PPP1R36: variants seen among roughly 807,000 people sequenced by gnomAD.
PPP1R36 encodes the protein protein phosphatase 1 regulatory subunit 36.
In PPP1R36, 47 loss-of-function variants were observed where a neutral mutation model predicts 53.4. The observed-to-expected ratio is 0.88, with a 90% confidence interval of 0.70 to 1.12. PPP1R36 has a LOEUF of 1.12. Ranked by LOEUF, PPP1R36 falls within the 50% of genes most tolerant of loss-of-function variation. The pLI is 0.00. For missense variants in PPP1R36, 456 were observed against 513.9 expected (o/e 0.89, Z 1.09); for synonymous variants, 153 against 170.5 (o/e 0.90, Z 0.80).
intron 4 of PPP1R36, among the ~76,000 whole-genome samples, 183 bp from the exon 5 acceptor site, chr14:64,565,174 C>G (rs1043900512): frequency 6.6e-6 from 1 of 152,096 alleles, no homozygotes; most frequent in African/African-American, 2.4e-5. Context: ...TCCCTCTTGC[C>G]TTAATATAGT....
chr14:64,565,842 G>A, intron 6 of PPP1R36, 150 bp downstream of exon 6: 1 of 648,970 alleles, frequency 1.5e-6, no homozygotes, highest in South Asian at 1.9e-5. Flanking sequence ...CACAAAGACT[G>A]CGACCAAAGA....
chr14:64,564,383 G>A (rs1171175977), intron 3 of PPP1R36, among the ~76,000 whole-genome samples: 1 of 152,186 alleles, frequency 6.6e-6, no homozygotes, highest in Non-Finnish European at 1.5e-5. Context: ...TTTTGTGTTA[G>A]AGTTTCCATG....
At chr14:64,559,754 CTTTA>C (rs1374976247) in intron 3 of PPP1R36, among the ~76,000 whole-genome samples, 1 of 152,170 alleles carries the variant, frequency 6.6e-6, no homozygotes, top group Non-Finnish European at 1.5e-5. Flanking sequence ...GGAATTGGAA[CTTTA>C]TTTAGATGGC....
intron 2 of PPP1R36, chr14:64,551,593 A>AATTTCCACCAATGTGAC (rs2080094152): frequency 2.2e-6 from 1 of 456,152 alleles, no homozygotes; most frequent in Non-Finnish European, 4.4e-6. Flanking sequence ...CAATTCTTAA[A>AATTTCCACCAATGTGAC]ACAACTGTGG....
rs11844910 is a variant in PPP1R36, at chr14:64,565,529, G to A, written c.367+75G>A. ...TACACATATCCATACATAAACATCCGCCCATCTACATATAACATCCATACA... is the reference window on the plus strand; with the variant it reads ...TACACATATCCATACATAAACATCCACCCATCTACATATAACATCCATACA... On this transcript the variant is annotated intron_variant, in intron 5 of 11. Coordinates refer to ENST00000298705, the MANE Select transcript of PPP1R36 (RefSeq NM_172365.3). 7.4e-4 allele frequency: 1,055 copies of A among 1,419,914 alleles called. 12 individuals carry two copies. The African/African-American group carries it at 0.012, about 16-fold the overall frequency. The allele number at this position is 1,419,914 out of a possible 1,614,324, so 88.0% of individuals were successfully genotyped here. A position where few individuals can be genotyped will look rare whatever the true frequency, so the allele number is the denominator to read the frequency against.
chr14:64,563,521 T>G (rs1380501769), intron 3 of PPP1R36, among the ~76,000 whole-genome samples: 1 of 151,772 alleles, frequency 6.6e-6, no homozygotes, highest in African/African-American at 2.4e-5. Context: ...GAGGTAATAT[T>G]ATGTACATGC....
intron 11 of PPP1R36, chr14:64,588,569 T>C (rs938485187): frequency 8.5e-6 from 3 of 352,918 alleles, no homozygotes; most frequent in African/African-American, 2.1e-5. Flanking sequence ...TTTTTTTTTT[T>C]TTTTTTTTGA....
chr14:64,550,009 G>A lies in PPP1R36; in HGVS notation c.12G>A (p.Val4=). The A allele has an allele frequency of 6.4e-7, 1 of 1,572,670 alleles. No homozygotes were observed. Among genetic ancestry groups the A allele is most frequent in the South Asian group, 1.2e-5 (1 of 85,524 alleles). Residue 4 remains valine, a synonymous_variant, in exon 1 of 12, where the codon GTG becomes GTA. Coordinates refer to ENST00000298705, the MANE Select transcript of PPP1R36 (RefSeq NM_172365.3). MYR[V]PEFYARRKRL... ...TCCAGGGCGAGGCCATGTACCGGGTGCCCGAGTTTTATGCGAGGAGGAAGC... is the reference window on the plus strand; with the variant it reads ...TCCAGGGCGAGGCCATGTACCGGGTACCCGAGTTTTATGCGAGGAGGAAGC...
chr14:64,570,992 G>T (rs562405181), intron 7 of PPP1R36, among the ~76,000 whole-genome samples: 4 of 152,262 alleles, frequency 2.6e-5, no homozygotes, highest in Admixed American at 6.5e-5. Context: ...TAACTCCAAG[G>T]CTTGTGCCTT....
intron 7 of PPP1R36, among the ~76,000 whole-genome samples, chr14:64,572,481 A>G (rs1467349552): frequency 6.6e-6 from 1 of 152,162 alleles, no homozygotes; most frequent in Non-Finnish European, 1.5e-5. Context: ...AGTTTTGTAT[A>G]TAGGTTAGCT....
intron 1 of PPP1R36, 60 bp downstream of exon 1, chr14:64,550,126 C>T (rs909586297): frequency 4.0e-5 from 61 of 1,531,510 alleles, no homozygotes; most frequent in East Asian, 5.0e-5. Flanking sequence ...CCCTGCTGCC[C>T]CCAACCGGCG....
chr14:64,554,142 GTTTT>G (rs367753961), intron 3 of PPP1R36, among the ~76,000 whole-genome samples: 204 of 65,260 alleles, frequency 3.1e-3, no homozygotes, highest in African/African-American at 0.012. Context: ...CATCACAATT[GTTTT>G]TTTTTTTTTT....
rs1304338875 is a variant in PPP1R36, at chr14:64,574,535, G to C, written c.614G>C (p.Cys205Ser). 7.4e-6 allele frequency: 12 copies of C among 1,613,934 alleles called. No individual in the cohort carries two copies. The African/African-American group carries it at 9.3e-5, about 13-fold the overall frequency. ...CAGAGGTACTTGGCGCAGAAGTACT[G>C]TATCCTTGTGCTGGGCTTGGCCGTG... ...AAQRYLAQKY[C>S]ILVLGLAVPD... The change falls in exon 8 of 12, where the codon TGT (cysteine) becomes TCT (serine). Residue 205 changes from cysteine (C) to serine (S), a missense_variant. By Grantham distance (112) the Cys-to-Ser change is moderately radical (BLOSUM62 -1). Coordinates refer to ENST00000298705, the MANE Select transcript of PPP1R36 (RefSeq NM_172365.3).
chr14:64,554,956 A>G (rs748999352), intron 3 of PPP1R36, among the ~76,000 whole-genome samples: 12 of 152,162 alleles, frequency 7.9e-5, no homozygotes, highest in Non-Finnish European at 1.8e-4. Context: ...GAGAAAGGCA[A>G]GTGCAAAATT....
chr14:64,571,148 C>A (rs999966367), intron 7 of PPP1R36, among the ~76,000 whole-genome samples: 3 of 139,818 alleles, frequency 2.1e-5, no homozygotes, highest in African/African-American at 8.0e-5. Context: ...TTGTTTGAAA[C>A]GGAGTCTTGC....
chr14:64,564,730 A>C (rs1226931926), intron 3 of PPP1R36, 21 bp from the exon 4 acceptor site: 2 of 1,566,062 alleles, frequency 1.3e-6, no homozygotes, highest in Non-Finnish European at 1.7e-6. Flanking sequence ...GAAGTCCCTA[A>C]TTATCTCATT....
chr14:64,554,817 G>T (rs1470398903), intron 3 of PPP1R36, among the ~76,000 whole-genome samples: 1 of 152,162 alleles, frequency 6.6e-6, no homozygotes, highest in East Asian at 1.9e-4. Context: ...ATAAGCAGGG[G>T]TGGGGAGAGC....
chr14:64,553,139 G>C lies in PPP1R36; in HGVS notation c.182+278G>C, dbSNP rs1019409771. Among the ~76,000 whole-genome samples, 18 of 151,902 alleles carry C rather than the reference G, an allele frequency of 1.2e-4. 2 individuals carry two copies. The highest frequency in any genetic ancestry group is 1.1e-3 in the Admixed American group (16 of 15,236). On this transcript the variant is annotated intron_variant, in intron 3 of 11. Transcript: ENST00000298705. ...CAGCTTGTTTTTTGTATTTTTAGTA[G>C]AGACAGTTTTTCACCATGTTGCCCA...
intron 8 of PPP1R36, among the ~76,000 whole-genome samples, chr14:64,579,378 A>G (rs2080368362): frequency 6.6e-6 from 1 of 152,196 alleles, no homozygotes; most frequent in Admixed American, 6.5e-5. Flanking sequence ...TAATATAGAG[A>G]TACTTAAAAG....
Sources: allele counts gnomAD v4.1 joint callset (sites outside exome capture counted in the v4.1 genomes callset), GRCh38; gene constraint gnomAD v4.1.1; transcripts MANE v1.5; gene names NCBI Gene and HGNC (gene_info 2026-07-23, HGNC 2026-07-21).